The following FAM20A variants were observed in gnomAD, a reference collection of about 807,000 sequenced individuals.
FAM20A encodes FAM20A golgi associated secretory pathway pseudokinase, also known as pseudokinase FAM20A.
A neutral mutation model predicts 52.0 loss-of-function variants in FAM20A; 42 were observed. That is an observed-to-expected ratio of 0.81 (90% CI 0.63 to 1.04). The LOEUF (loss-of-function observed/expected upper bound fraction) is 1.04, where lower values mean the gene tolerates loss of function less well. Among genes scored for constraint, FAM20A ranks in the 50% least tolerant of loss-of-function variants. FAM20A has a pLI of 0.00. For missense variants in FAM20A, 742 were observed against 712.7 expected (o/e 1.04, Z -0.47); for synonymous variants, 304 against 298.9 (o/e 1.02, Z -0.18).
intron 1 of FAM20A, among the ~76,000 whole-genome samples, chr17:68,571,999 TATATA>T (rs1371785828): frequency 5.8e-5 from 2 of 34,384 alleles, no homozygotes; most frequent in South Asian, 9.3e-4. Flanking sequence ...TATATATATA[TATATA>T]TATATATATA....
intron 4 of FAM20A, among the ~76,000 whole-genome samples, chr17:68,547,833 T>G (rs1425478775): frequency 1.3e-5 from 2 of 152,232 alleles, no homozygotes; most frequent in Non-Finnish European, 2.9e-5. Context: ...CAAGAACTTT[T>G]CCTTTGCATT....
At chr17:68,576,874 G>T (rs766917845) in intron 1 of FAM20A, among the ~76,000 whole-genome samples, 1 of 152,168 alleles carries the variant, frequency 6.6e-6, no homozygotes. Flanking sequence ...TAGTTGCCTA[G>T]GGCAGGCCAG....
chr17:68,560,179 G>A (rs1402029952), intron 1 of FAM20A, among the ~76,000 whole-genome samples: 3 of 151,922 alleles, frequency 2.0e-5, no homozygotes, highest in Non-Finnish European at 4.4e-5. Flanking sequence ...TGATCCACCC[G>A]CCTCGGCCTG....
intron 1 of FAM20A, among the ~76,000 whole-genome samples, chr17:68,565,731 C>T (rs1392998541): frequency 6.6e-6 from 1 of 151,888 alleles, no homozygotes; most frequent in Non-Finnish European, 1.5e-5. Context: ...TTTTCTGTTG[C>T]CTGTGCCTTA....
rs142622721 is a variant in FAM20A at position 68,537,280 on chromosome 17, C to T, written c.*197G>A. On this transcript the variant is annotated 3_prime_UTR_variant, in exon 11 of 11. Coordinates refer to ENST00000592554, the MANE Select transcript of FAM20A (RefSeq NM_017565.4). The surrounding 1 kb of genome is among the most constrained non-coding windows in gnomAD (Gnocchi z 4.2). ...TTTTGGGAAAAACGGAGCAAGGCAA[C>T]GCACGACAGAAGCGGTGCACCAAGG... The T allele has an allele frequency of 3.2e-5, 24 of 760,612 alleles. No individual in the cohort carries two copies. Among genetic ancestry groups the T allele is most frequent in the African/African-American group, 2.9e-4 (17 of 58,316 alleles). The allele number at this position is 760,612 out of a possible 1,614,324, so 47.1% of individuals were successfully genotyped here. A position where few individuals can be genotyped will look rare whatever the true frequency, so the allele number is the denominator to read the frequency against.
chr17:68,569,702 T>C lies in FAM20A; in HGVS notation c.405-13959A>G, dbSNP rs142560039. 9.4e-4 allele frequency among the ~76,000 whole-genome samples: 143 copies of C among 152,338 alleles called. 4 individuals carry two copies. In the South Asian group the frequency reaches 0.016, roughly 17 times the overall value. On this transcript the variant is annotated intron_variant, in intron 1 of 10. Coordinates refer to ENST00000592554, the MANE Select transcript of FAM20A (RefSeq NM_017565.4). The stretch of plus-strand genomic sequence containing the variant: ...ACATTTTCATCATTGTGAAAAGTTC[T>C]ATTGGACTCAGTGGTCTAGGTTCAT...
At chr17:68,543,353 C>G (rs540043891) in intron 5 of FAM20A, among the ~76,000 whole-genome samples, 78 of 152,240 alleles carry the variant, frequency 5.1e-4, no homozygotes, top group Admixed American at 3.6e-3. Flanking sequence ...GCTCTCAGAT[C>G]AGGAAACTAG....
chr17:68,560,918 T>C (rs575797175), intron 1 of FAM20A, among the ~76,000 whole-genome samples: 1 of 152,360 alleles, frequency 6.6e-6, no homozygotes, highest in African/African-American at 2.4e-5. Flanking sequence ...TGCATCTCTA[T>C]CTTGTTATGA....
At chr17:68,555,786 A>T in intron 1 of FAM20A, 43 bp from the exon 2 acceptor site, 1 of 1,606,042 alleles carries the variant, frequency 6.2e-7, no homozygotes, top group Non-Finnish European at 8.5e-7. Flanking sequence ...ACAAGAATGC[A>T]AAGACCCACC....
chr17:68,569,761 A>T (rs916757028), intron 1 of FAM20A, among the ~76,000 whole-genome samples: 4 of 152,190 alleles, frequency 2.6e-5, no homozygotes, highest in African/African-American at 9.6e-5. Flanking sequence ...GCAATGATCT[A>T]TCCACCATGG....
intron 1 of FAM20A, among the ~76,000 whole-genome samples, chr17:68,581,366 C>CTTTCTTTCTT (rs2087953593): frequency 7.4e-6 from 1 of 134,720 alleles, no homozygotes. Context: ...TTCTTTCTTT[C>CTTTCTTTCTT]TTTCTTTCTT....
At chr17:68,585,379 G>A (rs2088137878) in intron 1 of FAM20A, among the ~76,000 whole-genome samples, 1 of 150,898 alleles carries the variant, frequency 6.6e-6, no homozygotes, top group African/African-American at 2.4e-5. Context: ...TCTTCATTGT[G>A]TATTATTGCA....
In FAM20A at chr17:68,600,145, G is replaced by T. The variant is rs919525063; in HGVS notation, c.404+118C>A. ...CACTCTAAGCCCAGCGCCAGGGCTG[G>T]AGCCGTGGGTGGAGCCGCTGCAGCC... is the stretch of plus-strand genomic sequence containing the variant. On this transcript the variant is annotated intron_variant, in intron 1 of 10. Coordinates refer to ENST00000592554, the MANE Select transcript of FAM20A (RefSeq NM_017565.4). The surrounding 1 kb of genome is among the most constrained non-coding windows in gnomAD (Gnocchi z 6.2). The T allele has an allele frequency of 1.6e-6, 2 of 1,222,440 alleles. No individual in the cohort carries two copies. Among genetic ancestry groups the T allele is most frequent in the Non-Finnish European group, 2.2e-6 (2 of 894,594 alleles). 75.7% of individuals were successfully genotyped at this position (1,222,440 alleles called of 1,614,324 possible). A position where few individuals can be genotyped will look rare whatever the true frequency, so the allele number is the denominator to read the frequency against.
At chr17:68,546,371 C>G (rs2086566863) in intron 4 of FAM20A, among the ~76,000 whole-genome samples, 1 of 151,938 alleles carries the variant, frequency 6.6e-6, no homozygotes, top group African/African-American at 2.4e-5. Flanking sequence ...TTCTTTTAAA[C>G]TCCTGTTAAT....
chr17:68,559,223 G>C (rs920186640), intron 1 of FAM20A, among the ~76,000 whole-genome samples: 65 of 152,278 alleles, frequency 4.3e-4, no homozygotes, highest in African/African-American at 1.5e-3. Context: ...AAAGCTAAAT[G>C]CTCTTATTTT....
rs886352768 is a variant in FAM20A at position 68,600,104 on chromosome 17, G to T, written c.404+159C>A. Among the ~76,000 whole-genome samples the T allele has an allele frequency of 6.6e-6, 1 of 152,224 alleles. No homozygotes were observed. Among genetic ancestry groups the T allele is most frequent in the African/African-American group, 2.4e-5 (1 of 41,468 alleles). ...TGTGAGGTCTGCAACAGCTGGTGGG[G>T]TTCGGGTGGGGAACACACTCTAAGC... On this transcript the variant is annotated intron_variant, in intron 1 of 10. Transcript: ENST00000592554. This position sits in a 1 kb window ranked among gnomAD's most constrained non-coding sequence, Gnocchi z 6.2.
At chr17:68,589,071 G>T (rs1051040120) in intron 1 of FAM20A, among the ~76,000 whole-genome samples, 17 of 152,220 alleles carry the variant, frequency 1.1e-4, no homozygotes, top group Non-Finnish European at 7.3e-5. Flanking sequence ...ACATAGTATG[G>T]CAGAAATGAC....
rs144101066 is a variant in FAM20A at position 68,572,460 on chromosome 17, A to G, written c.405-16717T>C. Among the ~76,000 whole-genome samples the G allele has an allele frequency of 5.3e-3, 803 of 152,308 alleles. 4 individuals carry two copies. Among genetic ancestry groups the G allele is most frequent in the Non-Finnish European group, 7.7e-3 (522 of 68,024 alleles). ...TGATTCTTCTAACCAGTTTCTGAGT[A>G]TGAGACCATCAGAGCAGTAACACTG... On this transcript the variant is annotated intron_variant, in intron 1 of 10. Transcript: ENST00000592554.
At chr17:68,589,370 C>CG (rs1436406328) in intron 1 of FAM20A, among the ~76,000 whole-genome samples, 6 of 152,204 alleles carry the variant, frequency 3.9e-5, no homozygotes, top group Admixed American at 3.9e-4. Flanking sequence ...CCTGCAGAAT[C>CG]GGGGGCTAAA....
Sources: allele counts gnomAD v4.1 joint callset (sites outside exome capture counted in the v4.1 genomes callset), GRCh38; gene constraint gnomAD v4.1.1; non-coding constraint Gnocchi (gnomAD v3.1); transcripts MANE v1.5; gene names NCBI Gene and HGNC (gene_info 2026-07-23, HGNC 2026-07-21).